Variants in SLC6A3 observed in about 807,000 individuals in gnomAD.
SLC6A3 encodes the protein sodium-dependent dopamine transporter.
Under a neutral mutation model 70.4 loss-of-function variants are expected in SLC6A3, and 19 were observed. The observed-to-expected ratio is 0.27, with a 90% CI of 0.19 to 0.40. The LOEUF is 0.40. Among genes scored for constraint, SLC6A3 ranks in the 10% least tolerant of loss-of-function variants. The probability of loss-of-function intolerance (pLI) is 1.00; values close to 1 mark genes in which losing one functional copy is unlikely to be tolerated. For missense variants in SLC6A3, 613 were observed against 838.5 expected, an observed-to-expected ratio of 0.73 and a Z score of 3.32; for synonymous variants, 368 against 356.6, an observed-to-expected ratio of 1.03 and a Z score of -0.36.
At chr5:1,420,866 T>A (rs1159662865) in intron 5 of SLC6A3, among the ~76,000 whole-genome samples, 163 bp from the exon 6 acceptor site, 1 of 151,976 alleles carries the variant, frequency 6.6e-6, no homozygotes, top group African/African-American at 2.4e-5. Context: ...CTCCTTGGAG[T>A]GAGAAGGTCA....
chr5:1,412,199 C>T (rs1195620936), intron 8 of SLC6A3, among the ~76,000 whole-genome samples: 1 of 152,270 alleles, frequency 6.6e-6, no homozygotes, highest in African/African-American at 2.4e-5. Context: ...GGCCAATGTG[C>T]TGTGAACCCA....
chr5:1,422,985 C>G (rs1430381438), intron 4 of SLC6A3, among the ~76,000 whole-genome samples: 22 of 57,144 alleles, frequency 3.8e-4, no homozygotes, highest in South Asian at 1.1e-3. Flanking sequence ...GCTGCCCACG[C>G]TGCTGGGTAC....
intron 6 of SLC6A3, among the ~76,000 whole-genome samples, chr5:1,419,707 G>T (rs947128847): frequency 1.5e-4 from 23 of 152,054 alleles, no homozygotes; most frequent in African/African-American, 5.1e-4. Context: ...CTCTTCCTTG[G>T]CTCCCGTGGG....
chr5:1,422,630 C>A (rs1422965311), intron 4 of SLC6A3, among the ~76,000 whole-genome samples: 3 of 68,628 alleles, frequency 4.4e-5, no homozygotes, highest in Admixed American at 1.4e-4. Context: ...GTGCCCACCG[C>A]TGCCCAGTGC....
In SLC6A3 at chr5:1,406,092, G is replaced by C; in HGVS notation, c.1599+96C>G. ...CTTGAGGCCCCTGACTCCAGCCACA[G>C]TGACAACCCACATGCGGGCGCTGGA... On this transcript the variant is annotated intron_variant, in intron 12 of 14. Coordinates refer to ENST00000270349, the MANE Select transcript of SLC6A3 (RefSeq NM_001044.5). This position sits in a 1 kb window ranked among gnomAD's most constrained non-coding sequence, Gnocchi z 8.8. The C allele has an allele frequency of 1.1e-6, 1 of 878,948 alleles. No homozygotes were observed. The highest frequency in any genetic ancestry group is 1.3e-5 in the South Asian group (1 of 75,520). 54.4% of individuals were successfully genotyped at this position (878,948 alleles called of 1,614,324 possible).
intron 1 of SLC6A3, among the ~76,000 whole-genome samples, chr5:1,444,409 C>A (rs1345471864): frequency 6.6e-6 from 1 of 152,102 alleles, no homozygotes; most frequent in Non-Finnish European, 1.5e-5. Flanking sequence ...CACTCACACA[C>A]ACACAGGCGA....
intron 3 of SLC6A3, among the ~76,000 whole-genome samples, chr5:1,440,672 A>G (rs992146576): frequency 2.0e-5 from 3 of 152,236 alleles, no homozygotes; most frequent in Non-Finnish European, 4.4e-5. Context: ...TTCTGGCCTC[A>G]TAAAAACGGG....
intron 6 of SLC6A3, among the ~76,000 whole-genome samples, chr5:1,417,210 G>C (rs1036812721): frequency 2.7e-5 from 4 of 149,746 alleles, no homozygotes; most frequent in African/African-American, 9.9e-5. Flanking sequence ...AGAACATCAT[G>C]GATCATCCAC....
chr5:1,402,904 C>T lies in SLC6A3; in HGVS notation c.1767+18G>A. ...GTGGCCTCACACTCGGGTGAAGGCGCCCCGTCCAAATACCCACCTCTCGAA... is the reference window on the plus strand; with the variant it reads ...GTGGCCTCACACTCGGGTGAAGGCGTCCCGTCCAAATACCCACCTCTCGAA... On this transcript the variant is annotated intron_variant, in intron 13 of 14. Transcript: ENST00000270349. The surrounding 1 kb of genome is among the most constrained non-coding windows in gnomAD (Gnocchi z 8.5). 1 of 1,612,096 alleles carries T rather than the reference C, an allele frequency of 6.2e-7. No individual in the cohort carries two copies.
At chr5:1,443,975 G>A (rs999885393) in intron 1 of SLC6A3, among the ~76,000 whole-genome samples, 1 of 152,178 alleles carries the variant, frequency 6.6e-6, no homozygotes, top group African/African-American at 2.4e-5. Flanking sequence ...TGAGATGACA[G>A]GCATGAGCCA....
chr5:1,442,879 C>T lies in SLC6A3; in HGVS notation c.286+33G>A. The T allele has an allele frequency of 6.2e-7, 1 of 1,613,482 alleles. No homozygotes were observed. Among genetic ancestry groups the T allele is most frequent in the South Asian group, 1.1e-5 (1 of 91,068 alleles). ...GCTGCCCCTACGACCCCCGCCCGGCCAGCATGCTCAGGGAGGCTGAGATGG... is the reference window on the plus strand; with the variant it reads ...GCTGCCCCTACGACCCCCGCCCGGCTAGCATGCTCAGGGAGGCTGAGATGG... On this transcript the variant is annotated intron_variant, in intron 2 of 14. Coordinates refer to ENST00000270349, the MANE Select transcript of SLC6A3 (RefSeq NM_001044.5). The surrounding 1 kb of genome is among the most constrained non-coding windows in gnomAD (Gnocchi z 5.0).
chr5:1,412,786 A>G (rs959482212), intron 8 of SLC6A3, among the ~76,000 whole-genome samples: 2 of 152,194 alleles, frequency 1.3e-5, no homozygotes, highest in African/African-American at 4.8e-5. Context: ...TTAAATAATC[A>G]AAGGCCAGAG....
At chr5:1,439,623 T>C (rs946553862) in intron 3 of SLC6A3, among the ~76,000 whole-genome samples, 6 of 152,172 alleles carry the variant, frequency 3.9e-5, no homozygotes, top group Admixed American at 2.0e-4. Flanking sequence ...CCCTGACCCA[T>C]TGGTAATGCG....
In SLC6A3 at chr5:1,443,150, G is replaced by T. The variant is rs762569986; in HGVS notation, c.48C>A (p.Ala16=). 6.8e-6 allele frequency: 11 copies of T among 1,614,084 alleles called. No homozygotes were observed. In the East Asian group the frequency reaches 2.5e-4, roughly 36 times the overall value. The change falls in exon 2 of 15, where the codon GCC becomes GCA. Residue 16 remains alanine (A), a synonymous_variant. Coordinates refer to ENST00000270349, the MANE Select transcript of SLC6A3 (RefSeq NM_001044.5). ...CSVGLMSSVV[A]PAKEPNAVGP... ...CCACGGCATTGGGCTCCTTAGCCGG[G>T]GCCACCACGGAAGACATGAGTCCCA...
chr5:1,418,143 T>C (rs1010909010), intron 6 of SLC6A3, among the ~76,000 whole-genome samples: 1 of 152,130 alleles, frequency 6.6e-6, no homozygotes, highest in African/African-American at 2.4e-5. Context: ...CCCATGCTGG[T>C]CATCAGCCAC....
chr5:1,440,486 T>C (rs560638269), intron 3 of SLC6A3, among the ~76,000 whole-genome samples: 2 of 148,888 alleles, frequency 1.3e-5, no homozygotes, highest in South Asian at 2.1e-4. Context: ...GACGGGTGAA[T>C]AGATGATTGA....
chr5:1,403,113 C>T, intron 12 of SLC6A3, 24 bp from the exon 13 acceptor site: 2 of 1,611,818 alleles, frequency 1.2e-6, no homozygotes, highest in Non-Finnish European at 1.7e-6. Flanking sequence ...ATACGGAGGT[C>T]AGGCAGCTCT....
Position 1,405,985 on chromosome 5 carries a change from G to A in SLC6A3, c.1599+203C>T, listed in dbSNP as rs1755969283. ...TCCAAGACCATGTGAGGTTTTTTCG[G>A]TGGGTCTAGAGGGGAGGGTGGAAGC... is the stretch of plus-strand genomic sequence containing the variant. On this transcript the variant is annotated intron_variant, in intron 12 of 14. Transcript: ENST00000270349. The surrounding 1 kb of genome is among the most constrained non-coding windows in gnomAD (Gnocchi z 5.3). Among the ~76,000 whole-genome samples the A allele has an allele frequency of 6.6e-6, 1 of 152,194 alleles. No homozygotes were observed. Among genetic ancestry groups the A allele is most frequent in the African/African-American group, 2.4e-5 (1 of 41,450 alleles).
chr5:1,440,309 A>G (rs1432496415), intron 3 of SLC6A3, among the ~76,000 whole-genome samples: 1 of 152,104 alleles, frequency 6.6e-6, no homozygotes, highest in Admixed American at 6.6e-5. Context: ...GGATAGATAG[A>G]TGGATCGATA....
Sources: allele counts gnomAD v4.1 joint callset (sites outside exome capture counted in the v4.1 genomes callset), GRCh38; gene constraint gnomAD v4.1.1; non-coding constraint Gnocchi (gnomAD v3.1); transcripts MANE v1.5; gene names NCBI Gene and HGNC (gene_info 2026-07-23, HGNC 2026-07-21).